ITGA1: variants seen among roughly 807,000 people sequenced by gnomAD.
The protein encoded by ITGA1 is integrin alpha-1.
ITGA1 carries 85 observed loss-of-function variants against 145.9 expected under a neutral mutation model. The ratio of observed to expected loss-of-function variants is 0.58; its 90% confidence interval spans 0.49 to 0.70. The LOEUF (loss-of-function observed/expected upper bound fraction) is 0.70, where lower values mean the gene tolerates loss of function less well. Among genes scored for constraint, ITGA1 ranks in the 30% least tolerant of loss-of-function variants. ITGA1 has a pLI of 0.00. For missense variants in ITGA1, 1,351 were observed against 1,418.7 expected (o/e 0.95, Z 0.77); for synonymous variants, 520 against 495.3 (o/e 1.05, Z -0.66).
At chr5:52,929,001 G>A (rs1750853613) in intron 20 of ITGA1, among the ~76,000 whole-genome samples, 1 of 152,046 alleles carries the variant, frequency 6.6e-6, no homozygotes, top group Non-Finnish European at 1.5e-5. Context: ...TAGTCTGTTG[G>A]GCCTAGAGCA....
At chr5:52,806,941 T>C (rs1224218272) in intron 1 of ITGA1, among the ~76,000 whole-genome samples, 1 of 152,182 alleles carries the variant, frequency 6.6e-6, no homozygotes, top group Non-Finnish European at 1.5e-5. Flanking sequence ...GGGAAGGTCT[T>C]AAATTTTCAG....
Position 52,952,386 on chromosome 5 carries a change from T to C in ITGA1, c.3496-21T>C, listed in dbSNP as rs768978100. 8 of 1,357,050 alleles carry C rather than the reference T, an allele frequency of 5.9e-6. No homozygotes were observed. In the South Asian group the frequency reaches 9.6e-5, roughly 16 times the overall value. The allele number at this position is 1,357,050 out of a possible 1,614,324, so 84.1% of individuals were successfully genotyped here. On this transcript the variant is annotated intron_variant, in intron 28 of 28. Transcript: ENST00000282588. ...TAAATTAAAATAGTTAATTGTGTTA[T>C]GTTTTGTGTTTTCTCAACAGATTGG...
In ITGA1 at chr5:52,796,423, G is replaced by A. The variant is rs1748344923; in HGVS notation, c.61+8009G>A. On this transcript the variant is annotated intron_variant, in intron 1 of 28. Coordinates refer to ENST00000282588, the MANE Select transcript of ITGA1 (RefSeq NM_181501.2). ...ACTGATATAAAGTTACTGATATAAA[G>A]TTTTCTATTTTAAACAGCCAATACA... Among the ~76,000 whole-genome samples the A allele has an allele frequency of 2.0e-5, 3 of 152,024 alleles. No homozygotes were observed. The South Asian group carries it at 6.2e-4, about 31-fold the overall frequency.
chr5:52,908,023 A>C (rs1750438641), intron 12 of ITGA1, among the ~76,000 whole-genome samples: 1 of 152,170 alleles, frequency 6.6e-6, no homozygotes, highest in African/African-American at 2.4e-5. Context: ...CCTTAGTAGA[A>C]ATTTTTAAGA....
chr5:52,922,939 G>A, intron 18 of ITGA1, 52 bp downstream of exon 18: 1 of 1,046,742 alleles, frequency 9.6e-7, no homozygotes, highest in Non-Finnish European at 1.5e-6. Flanking sequence ...ACATTTTAAT[G>A]TCACTAGTAA....
intron 14 of ITGA1, among the ~76,000 whole-genome samples, chr5:52,911,822 C>T (rs1190944113): frequency 7.5e-6 from 1 of 133,358 alleles, no homozygotes; most frequent in Non-Finnish European, 1.6e-5. Context: ...GGTGTATCTA[C>T]TATATATACT....
intron 14 of ITGA1, among the ~76,000 whole-genome samples, chr5:52,912,278 CTA>C (rs1750569046): frequency 7.1e-6 from 1 of 139,990 alleles, no homozygotes; most frequent in South Asian, 2.3e-4. Context: ...CTACTATATA[CTA>C]TATATATTAT....
chr5:52,797,197 C>G (rs17209760), intron 1 of ITGA1, among the ~76,000 whole-genome samples: 39,027 of 151,692 alleles, frequency 0.26, 5,384 homozygotes, highest in Non-Finnish European at 0.31. Flanking sequence ...AAAAAGTTCC[C>G]AACTATTGCA....
At chr5:52,914,464 G>A (rs190616665) in intron 14 of ITGA1, among the ~76,000 whole-genome samples, 26 of 152,036 alleles carry the variant, frequency 1.7e-4, no homozygotes, top group African/African-American at 5.8e-4. Flanking sequence ...GTGAAACCCC[G>A]TCTCTACTAA....
intron 1 of ITGA1, among the ~76,000 whole-genome samples, chr5:52,795,488 A>T (rs999332435): frequency 6.6e-6 from 1 of 152,062 alleles, no homozygotes; most frequent in Admixed American, 6.5e-5. Context: ...TTCATGTCAT[A>T]CAAACCATTT....
At chr5:52,879,797 T>C (rs1475680308) in intron 6 of ITGA1, among the ~76,000 whole-genome samples, 1 of 152,140 alleles carries the variant, frequency 6.6e-6, no homozygotes, top group Non-Finnish European at 1.5e-5. Context: ...GGGTGAAAGA[T>C]AAACTCACAG....
intron 9 of ITGA1, 33 bp from the exon 10 acceptor site, chr5:52,897,422 A>G: frequency 6.9e-7 from 1 of 1,449,192 alleles, no homozygotes; most frequent in Non-Finnish European, 9.7e-7. Flanking sequence ...AGGCATTGTT[A>G]CTTATTTACA....
intron 14 of ITGA1, among the ~76,000 whole-genome samples, chr5:52,911,962 A>G (rs1332769172): frequency 1.1e-5 from 1 of 93,194 alleles, no homozygotes; most frequent in Non-Finnish European, 2.2e-5. Context: ...TACTATATAT[A>G]GTGTATCTAC....
intron 1 of ITGA1, among the ~76,000 whole-genome samples, chr5:52,804,459 T>C (rs1443145877): frequency 6.6e-6 from 1 of 152,202 alleles, no homozygotes; most frequent in Non-Finnish European, 1.5e-5. Flanking sequence ...TGATCTTGGA[T>C]TTCACTTTCA....
intron 1 of ITGA1, among the ~76,000 whole-genome samples, chr5:52,805,996 A>C (rs1748582967): frequency 1.3e-5 from 2 of 152,182 alleles, no homozygotes; most frequent in African/African-American, 2.4e-5. Context: ...TAAAGTGAAG[A>C]GCTGAAGAGC....
intron 15 of ITGA1, among the ~76,000 whole-genome samples, chr5:52,916,481 A>G (rs1433000325): frequency 3.9e-5 from 6 of 152,214 alleles, no homozygotes; most frequent in Non-Finnish European, 8.8e-5. Context: ...GTAATAAAGT[A>G]TAAAAGAAAG....
At chr5:52,911,741 A>G (rs1750545430) in intron 14 of ITGA1, among the ~76,000 whole-genome samples, 1 of 138,974 alleles carries the variant, frequency 7.2e-6, no homozygotes, top group South Asian at 2.3e-4. Context: ...TATCTACTAT[A>G]TATACTATAC....
At chr5:52,907,848 T>C (rs191267795) in intron 12 of ITGA1, among the ~76,000 whole-genome samples, 1 of 152,310 alleles carries the variant, frequency 6.6e-6, no homozygotes, top group East Asian at 1.9e-4. Context: ...ATTTTATTTA[T>C]GTTTATAATT....
intron 1 of ITGA1, among the ~76,000 whole-genome samples, chr5:52,848,299 C>T (rs1038197417): frequency 2.0e-5 from 3 of 152,152 alleles, no homozygotes; most frequent in African/African-American, 7.2e-5. Context: ...TTTTATAAAG[C>T]TTTACATGGT....
Sources: allele counts gnomAD v4.1 joint callset (sites outside exome capture counted in the v4.1 genomes callset), GRCh38; gene constraint gnomAD v4.1.1; transcripts MANE v1.5; gene names NCBI Gene and HGNC (gene_info 2026-07-23, HGNC 2026-07-21).